Variants in PRSS23 observed in about 807,000 individuals in gnomAD.
PRSS23 encodes serine protease 23.
A neutral mutation model predicts 34.7 loss-of-function variants in PRSS23; 25 were observed. That is an observed-to-expected ratio of 0.72 (90% confidence interval 0.53 to 1.01). The LOEUF (loss-of-function observed/expected upper bound fraction) is 1.01, where lower values mean the gene tolerates loss of function less well. PRSS23 is among the 50% of genes least tolerant of loss of function. PRSS23 has a pLI of 0.00. For missense variants in PRSS23, 445 were observed against 475.6 expected, an observed-to-expected ratio of 0.94 and a Z score of 0.60; for synonymous variants, 176 against 186.6, an observed-to-expected ratio of 0.94 and a Z score of 0.46.
At chr11:86,938,923 C>T (rs1037452627) in intron 2 of PRSS23, 1 of 380,580 alleles carries the variant, frequency 2.6e-6, no homozygotes, top group African/African-American at 2.1e-5. Flanking sequence ...CAGAAAAGGA[C>T]CATGCTTCTC....
chr11:86,942,211 G>A (rs79378895), intron 2 of PRSS23, among the ~76,000 whole-genome samples: 7,409 of 152,238 alleles, frequency 0.049, 274 homozygotes, highest in East Asian at 0.19. Context: ...CAGGAGGATC[G>A]GGGATGTCTT....
chr11:86,869,006 T>A (rs978599125), intron 2 of PRSS23, among the ~76,000 whole-genome samples: 2 of 151,958 alleles, frequency 1.3e-5, no homozygotes, highest in African/African-American at 4.8e-5. Context: ...AGAGATAGAG[T>A]TTTGCCATGT....
At chr11:86,800,374 A>C, upstream of PRSS23, 1 of 893,248 alleles carries the variant, frequency 1.1e-6, no homozygotes, top group African/African-American at 1.8e-5. Context: ...GGGCTGCTCC[A>C]CCCTGCTCCG....
intron 1 of PRSS23, among the ~76,000 whole-genome samples, chr11:86,819,693 CT>C (rs1252317604): frequency 6.6e-6 from 1 of 152,200 alleles, no homozygotes; most frequent in Non-Finnish European, 1.5e-5. Flanking sequence ...GTTCCCCACA[CT>C]TTTGCTGTAC....
chr11:86,819,105 T>C (rs1389538473), intron 1 of PRSS23, among the ~76,000 whole-genome samples: 1 of 152,202 alleles, frequency 6.6e-6, no homozygotes, highest in Non-Finnish European at 1.5e-5. Context: ...CAGCACTCCA[T>C]AGGCCTCAGT....
chr11:86,868,771 T>C, intron 2 of PRSS23, among the ~76,000 whole-genome samples: 1 of 152,130 alleles, frequency 6.6e-6, no homozygotes, highest in East Asian at 1.9e-4. Flanking sequence ...AACACTTGGG[T>C]TGAAATCTTT....
intron 2 of PRSS23, among the ~76,000 whole-genome samples, chr11:86,890,083 C>A (rs1048135535): frequency 3.3e-5 from 5 of 151,900 alleles, no homozygotes; most frequent in African/African-American, 1.2e-4. Flanking sequence ...GCCTGGCCAA[C>A]ATGGTGAAAC....
At chr11:86,940,620 T>C (rs1324920828) in intron 2 of PRSS23, among the ~76,000 whole-genome samples, 1 of 151,624 alleles carries the variant, frequency 6.6e-6, no homozygotes, top group Non-Finnish European at 1.5e-5. Context: ...CCGACTCCCC[T>C]GTGCTGAGCG....
At chr11:86,878,656 C>G (rs888863948) in intron 2 of PRSS23, among the ~76,000 whole-genome samples, 9 of 151,944 alleles carry the variant, frequency 5.9e-5, no homozygotes, top group Non-Finnish European at 1.2e-4. Context: ...CCCAAAGTGC[C>G]GAGATTGCAG....
intron 2 of PRSS23, chr11:86,936,588 TG>T (rs1360909126): frequency 7.9e-5 from 12 of 152,076 alleles, no homozygotes; most frequent in African/African-American, 2.9e-4. Flanking sequence ...TTTTTTAATG[TG>T]GGGAAAGGTA....
At chr11:86,893,497 T>C (rs574336470) in intron 2 of PRSS23, among the ~76,000 whole-genome samples, 1 of 152,340 alleles carries the variant, frequency 6.6e-6, no homozygotes, top group South Asian at 2.1e-4. Context: ...GCTATGTCTC[T>C]CATTAAGGAT....
intron 2 of PRSS23, among the ~76,000 whole-genome samples, chr11:86,826,373 C>T (rs1948300940): frequency 6.6e-6 from 1 of 152,170 alleles, no homozygotes; most frequent in Non-Finnish European, 1.5e-5. Context: ...AGTTGCTTAT[C>T]AGCTTAAGGA....
chr11:86,842,942 A>T (rs1948459451), intron 2 of PRSS23, among the ~76,000 whole-genome samples: 1 of 152,206 alleles, frequency 6.6e-6, no homozygotes, highest in African/African-American at 2.4e-5. Flanking sequence ...TATGGAACCA[A>T]AAAAGAGCCC....
intron 2 of PRSS23, chr11:86,832,688 A>G (rs541514161): frequency 2.1e-4 from 76 of 356,024 alleles, no homozygotes; most frequent in African/African-American, 1.1e-3. Context: ...GTACCCCCCA[A>G]CGACTTTTCC....
intron 2 of PRSS23, among the ~76,000 whole-genome samples, chr11:86,870,162 G>A (rs1344404446): frequency 6.6e-6 from 1 of 152,074 alleles, no homozygotes; most frequent in East Asian, 1.9e-4. Context: ...GCAGAGGGCA[G>A]GCTTGGATGG....
chr11:86,833,436 A>G, intron 2 of PRSS23: 7 of 547,510 alleles, frequency 1.3e-5, no homozygotes, highest in Non-Finnish European at 2.4e-5. Flanking sequence ...ATTTTGAAGC[A>G]TCTGTTAGAT....
At chr11:86,817,585 T>C (rs931645927) in intron 1 of PRSS23, among the ~76,000 whole-genome samples, 57 of 152,348 alleles carry the variant, frequency 3.7e-4, no homozygotes, top group African/African-American at 1.3e-3. Flanking sequence ...AGAGTATCAC[T>C]ATTCAGCTCT....
At chr11:86,798,993 C>T (rs1189868974), upstream of PRSS23, among the ~76,000 whole-genome samples, 1 of 152,152 alleles carries the variant, frequency 6.6e-6, no homozygotes, top group Non-Finnish European at 1.5e-5. Context: ...CTGAGCCTGG[C>T]CTATGTCTCT....
intron 2 of PRSS23, among the ~76,000 whole-genome samples, chr11:86,865,366 A>T (rs931694585): frequency 6.6e-6 from 1 of 152,358 alleles, no homozygotes; most frequent in East Asian, 1.9e-4. Flanking sequence ...ACTTGGAGGT[A>T]ACATATGCAA....
Sources: allele counts gnomAD v4.1 joint callset (sites outside exome capture counted in the v4.1 genomes callset), GRCh38; gene constraint gnomAD v4.1.1; transcripts MANE v1.5; gene names NCBI Gene and HGNC (gene_info 2026-07-23, HGNC 2026-07-21).